The following ZFYVE9 variants were observed in gnomAD, a reference collection of about 807,000 sequenced individuals.
The protein encoded by ZFYVE9 is zinc finger FYVE-type containing 9, also known as zinc finger FYVE domain-containing protein 9.
In ZFYVE9, 43 loss-of-function variants were observed where a neutral mutation model predicts 126.7. The ratio of observed to expected loss-of-function variants is 0.34; its 90% CI spans 0.27 to 0.44. The LOEUF (loss-of-function observed/expected upper bound fraction) is 0.44. Among genes scored for constraint, ZFYVE9 ranks in the 20% least tolerant of loss-of-function variants. The pLI is 1.00. For missense variants in ZFYVE9, 1,476 were observed against 1,697.0 expected (o/e 0.87, Z 2.29); for synonymous variants, 521 against 597.4 (o/e 0.87, Z 1.87).
At chr1:52,180,135 G>T (rs1350075148) in intron 1 of ZFYVE9, 4 of 1,081,120 alleles carry the variant, frequency 3.7e-6, no homozygotes, top group Non-Finnish European at 5.7e-6. Flanking sequence ...CTCAGGGAAG[G>T]ATTATGTTCA....
rs78996786 is a variant in ZFYVE9, at chr1:52,333,682, G to A, written c.3589+764G>A. On this transcript the variant is annotated intron_variant, in intron 14 of 18. Coordinates refer to ENST00000287727, the MANE Select transcript of ZFYVE9 (RefSeq NM_004799.4). ...TAAGAAACCCCGTGTTAGGCCAGCC[G>A]CGGTGGCTCATGCCTGTAATCCCAG... Among the ~76,000 whole-genome samples, 644 of 152,160 alleles carry A rather than the reference G, an allele frequency of 4.2e-3. 3 individuals are homozygous for A. In the East Asian group the frequency reaches 0.053, roughly 13 times the overall value.
intron 1 of ZFYVE9, among the ~76,000 whole-genome samples, chr1:52,204,262 C>G (rs1477946309): frequency 6.6e-6 from 1 of 152,144 alleles, no homozygotes; most frequent in Non-Finnish European, 1.5e-5. Flanking sequence ...TGCCCCTGGA[C>G]TGTGAACTTC....
At chr1:52,217,524 G>C (rs1645083544) in intron 2 of ZFYVE9, among the ~76,000 whole-genome samples, 1 of 152,298 alleles carries the variant, frequency 6.6e-6, no homozygotes, top group Admixed American at 6.5e-5. Context: ...GTACGGAGGG[G>C]GAGAGGTTGG....
At chr1:52,232,777 C>T (rs1483874738) in intron 2 of ZFYVE9, among the ~76,000 whole-genome samples, 1 of 141,226 alleles carries the variant, frequency 7.1e-6, no homozygotes, top group Admixed American at 7.0e-5. Context: ...TCAGAGTCAT[C>T]ATTAGCATTT....
chr1:52,329,549 A>C (rs1282278413), intron 13 of ZFYVE9, among the ~76,000 whole-genome samples: 1 of 152,186 alleles, frequency 6.6e-6, no homozygotes, highest in African/African-American at 2.4e-5. Context: ...AGAAAATGAA[A>C]AGACAACCTA....
rs941019973 is a variant in ZFYVE9, at chr1:52,149,954, G to C, written c.-143+7551G>C. 22 of 152,172 alleles carry C rather than the reference G, an allele frequency of 1.4e-4. No homozygotes were observed. In the East Asian group the frequency reaches 3.9e-3, roughly 27 times the overall value. 9.4% of individuals were successfully genotyped at this position (152,172 alleles called of 1,614,324 possible). A position where few individuals can be genotyped will look rare whatever the true frequency, so the allele number is the denominator to read the frequency against. On this transcript the variant is annotated intron_variant, in intron 1 of 18. Coordinates refer to ENST00000287727, the MANE Select transcript of ZFYVE9 (RefSeq NM_004799.4). The stretch of plus-strand genomic sequence containing the variant: ...TGCATTTCTGTTTGCAATATAGTTT[G>C]GTTCTTTTCTAACCTTTCATGATTA...
chr1:52,178,771 A>T (rs1402095711), intron 1 of ZFYVE9, among the ~76,000 whole-genome samples: 31 of 152,158 alleles, frequency 2.0e-4, no homozygotes, highest in Admixed American at 2.0e-3. Context: ...TTAGAGTAGT[A>T]ACATCTAGAA....
rs117570002 is a variant in ZFYVE9, at chr1:52,208,992, T to C, written c.-142-7377T>C. 9.2e-3 allele frequency among the ~76,000 whole-genome samples: 1,399 copies of C among 152,322 alleles called. 64 individuals carry two copies. The East Asian group carries it at 0.12, about 13-fold the overall frequency. On this transcript the variant is annotated intron_variant, in intron 1 of 18. Coordinates refer to ENST00000287727, the MANE Select transcript of ZFYVE9 (RefSeq NM_004799.4). ...AAATCCTTTAGTTATTTTAATTTGA[T>C]TTACAAGTAGTGAGCACATGCTGTG... is the stretch of plus-strand genomic sequence containing the variant.
intron 1 of ZFYVE9, chr1:52,180,547 G>A: frequency 1.5e-6 from 1 of 676,180 alleles, no homozygotes; most frequent in Non-Finnish European, 2.7e-6. Context: ...GATTCTGAGG[G>A]TGACTGAGGC....
chr1:52,143,237 T>C (rs922909155), intron 1 of ZFYVE9, among the ~76,000 whole-genome samples: 1 of 152,232 alleles, frequency 6.6e-6, no homozygotes, highest in African/African-American at 2.4e-5. Context: ...TTTTAAGTCC[T>C]CTTTAAGTGC....
chr1:52,168,214 C>CTTTTTTTTTT (rs139943554), intron 1 of ZFYVE9, among the ~76,000 whole-genome samples: 2 of 114,986 alleles, frequency 1.7e-5, no homozygotes, highest in East Asian at 2.5e-4. Context: ...TCTTCGTCTT[C>CTTTTTTTTTT]TTTTTTTTTT....
chr1:52,275,013 A>C (rs975852846), intron 8 of ZFYVE9, among the ~76,000 whole-genome samples: 1 of 152,196 alleles, frequency 6.6e-6, no homozygotes, highest in Non-Finnish European at 1.5e-5. Context: ...TACTGTTAAA[A>C]ATATTTTTAG....
chr1:52,226,659 C>T (rs1006665342), intron 2 of ZFYVE9, among the ~76,000 whole-genome samples: 5 of 152,218 alleles, frequency 3.3e-5, no homozygotes, highest in Admixed American at 6.5e-5. Context: ...ACTGACAACA[C>T]GTGCCCAGGG....
chr1:52,283,248 T>C (rs1645822105), intron 10 of ZFYVE9, among the ~76,000 whole-genome samples: 1 of 152,218 alleles, frequency 6.6e-6, no homozygotes, highest in South Asian at 2.1e-4. Flanking sequence ...GAGGTTCAAG[T>C]AATTGTAGAT....
At position 52,239,559 on chromosome 1, in the gene ZFYVE9, C is replaced by G. The variant is rs758635376; in HGVS notation, c.2142C>G (p.Phe714Leu). 17 of 1,613,826 alleles carry G rather than the reference C, an allele frequency of 1.1e-5. No individual in the cohort carries two copies. The South Asian group carries it at 1.8e-4, about 17-fold the overall frequency. Residue 714 changes from phenylalanine (F) to leucine (L), a missense_variant, in exon 4 of 19, where the codon TTC (phenylalanine) becomes TTG (leucine). Physicochemically the swap from Phe to Leu is conservative, Grantham distance 22 (BLOSUM62 0). Coordinates refer to ENST00000287727, the MANE Select transcript of ZFYVE9 (RefSeq NM_004799.4). The stretch of plus-strand genomic sequence containing the variant: ...TGAAATGTGAAGCCAGGTTTACATT[C>G]ACCAAAAGGAGGCATCACTGCAGAG... ...NCMKCEARFT[F>L]TKRRHHCRAC...
intron 1 of ZFYVE9, among the ~76,000 whole-genome samples, chr1:52,179,357 G>C (rs189666617): frequency 6.6e-6 from 1 of 152,310 alleles, no homozygotes; most frequent in African/African-American, 2.4e-5. Flanking sequence ...ATTTAAGGCC[G>C]GGCGTGGTGG....
intron 1 of ZFYVE9, among the ~76,000 whole-genome samples, chr1:52,157,133 C>T (rs1644410388): frequency 6.6e-6 from 1 of 152,048 alleles, no homozygotes; most frequent in Admixed American, 6.6e-5. Context: ...CACCCGGCCT[C>T]CTTCCCCACT....
At chr1:52,162,057 AT>A (rs1047449609) in intron 1 of ZFYVE9, 15 of 152,876 alleles carry the variant, frequency 9.8e-5, no homozygotes, top group South Asian at 4.1e-4. Context: ...TAAACCAAAA[AT>A]TTTTTTTTCT....
At chr1:52,334,857 C>A (rs1646375225) in intron 15 of ZFYVE9, 89 bp downstream of exon 15, 1 of 1,316,950 alleles carries the variant, frequency 7.6e-7, no homozygotes, top group Non-Finnish European at 1.1e-6. Flanking sequence ...AGATGTCTGA[C>A]TCCTACTGTT....
Sources: allele counts gnomAD v4.1 joint callset (sites outside exome capture counted in the v4.1 genomes callset), GRCh38; gene constraint gnomAD v4.1.1; transcripts MANE v1.5; gene names NCBI Gene and HGNC (gene_info 2026-07-23, HGNC 2026-07-21).